The following SLC30A9 variants were observed in gnomAD, a reference collection of about 807,000 sequenced individuals.
SLC30A9 encodes the protein solute carrier family 30 member 9, also known as proton-coupled zinc antiporter SLC30A9, mitochondrial.
In SLC30A9, 58 loss-of-function variants were observed where a neutral mutation model predicts 87.5. That is an observed-to-expected ratio of 0.66 (90% CI 0.54 to 0.82). The LOEUF is 0.82. SLC30A9 is among the 40% of genes least tolerant of loss of function. SLC30A9 has a pLI of 0.00. For missense variants in SLC30A9, 557 were observed against 679.1 expected, an observed-to-expected ratio of 0.82 and a Z score of 2.00; for synonymous variants, 234 against 233.0, an observed-to-expected ratio of 1.00 and a Z score of -0.04.
chr4:42,027,486 T>C (rs897543947), intron 6 of SLC30A9, among the ~76,000 whole-genome samples: 6 of 151,300 alleles, frequency 4.0e-5, no homozygotes, highest in African/African-American at 1.5e-4. Context: ...TTAGTATGAG[T>C]GCATACCTGT....
intron 6 of SLC30A9, among the ~76,000 whole-genome samples, chr4:42,033,104 A>G (rs968912187): frequency 6.6e-6 from 1 of 152,194 alleles, no homozygotes; most frequent in Admixed American, 6.5e-5. Flanking sequence ...TTTTCTATAT[A>G]GAAATATCAT....
chr4:42,047,149 C>G (rs911031884), intron 8 of SLC30A9, among the ~76,000 whole-genome samples: 1 of 152,166 alleles, frequency 6.6e-6, no homozygotes, highest in African/African-American at 2.4e-5. Context: ...CTAGGCAATA[C>G]CATTCAGGAC....
chr4:42,066,425 A>G (rs1718078230), intron 12 of SLC30A9, 125 bp from the exon 13 acceptor site: 1 of 548,194 alleles, frequency 1.8e-6, no homozygotes, highest in Non-Finnish European at 3.3e-6. Flanking sequence ...TTAACATAGA[A>G]CTTGTCCTTA....
At chr4:41,994,867 C>A (rs1054706093) in intron 1 of SLC30A9, among the ~76,000 whole-genome samples, 3 of 143,346 alleles carry the variant, frequency 2.1e-5, no homozygotes, top group African/African-American at 7.6e-5. Context: ...ACTGTCAATG[C>A]TCTTAGTTGT....
At chr4:42,062,165 G>C (rs2153139814) in intron 10 of SLC30A9, among the ~76,000 whole-genome samples, 1 of 150,498 alleles carries the variant, frequency 6.6e-6, no homozygotes, top group South Asian at 2.1e-4. Context: ...TTGCACTCCA[G>C]CCTGAGCAAC....
chr4:42,019,805 A>T (rs949674083), intron 3 of SLC30A9, among the ~76,000 whole-genome samples: 2 of 151,350 alleles, frequency 1.3e-5, no homozygotes, highest in African/African-American at 2.4e-5. Context: ...TTTATTTATT[A>T]TTTTTTTTGG....
intron 2 of SLC30A9, among the ~76,000 whole-genome samples, chr4:42,008,682 A>G (rs1035854532): frequency 3.9e-5 from 6 of 152,212 alleles, no homozygotes; most frequent in Admixed American, 2.0e-4. Flanking sequence ...GAGAAAATCC[A>G]GACTATCTGG....
At chr4:41,991,881 C>T (rs1044052689) in intron 1 of SLC30A9, among the ~76,000 whole-genome samples, 1 of 152,080 alleles carries the variant, frequency 6.6e-6, no homozygotes, top group East Asian at 1.9e-4. Flanking sequence ...AGAATATATT[C>T]GTATCTTTTA....
At chr4:42,019,764 C>T (rs1026187503) in intron 3 of SLC30A9, among the ~76,000 whole-genome samples, 1 of 152,018 alleles carries the variant, frequency 6.6e-6, no homozygotes, top group African/African-American at 2.4e-5. Context: ...GTTTGAAAAG[C>T]ACTCAACTAC....
rs905915551 is a variant in SLC30A9, at chr4:42,059,939, T to C, written c.841-252T>C. 2.3e-4 allele frequency among the ~76,000 whole-genome samples: 35 copies of C among 152,184 alleles called. 1 individual carries two copies. The highest frequency in any genetic ancestry group is 1.0e-3 in the South Asian group (5 of 4,830). ...TTATGGTTTATCATTTATTTTGTCATTCCCAATTGATGGATTTTTTTTAGG... is the reference window on the plus strand; with the variant it reads ...TTATGGTTTATCATTTATTTTGTCACTCCCAATTGATGGATTTTTTTTAGG... On this transcript the variant is annotated intron_variant, in intron 9 of 17. Coordinates refer to ENST00000264451, the MANE Select transcript of SLC30A9 (RefSeq NM_006345.4).
In SLC30A9 at chr4:42,001,761, A is replaced by G. The variant is rs764190042; in HGVS notation, c.255A>G (p.Lys85=). Residue 85 remains lysine, a synonymous_variant, in exon 2 of 18, where the codon AAA becomes AAG. Coordinates refer to ENST00000264451, the MANE Select transcript of SLC30A9 (RefSeq NM_006345.4). ...GQGSQTLRVE[K]VPSFETAEGI... The stretch of plus-strand genomic sequence containing the variant: ...GATCACAAACACTCAGAGTGGAAAA[A>G]GTACCATCATTTGAAACAGGTATGT... The G allele has an allele frequency of 3.5e-5, 57 of 1,609,106 alleles. No individual in the cohort carries two copies. The South Asian group carries it at 5.9e-4, about 17-fold the overall frequency.
In SLC30A9 at chr4:42,086,179, C is replaced by A; in HGVS notation, c.*53C>A. The A allele has an allele frequency of 1.7e-6, 2 of 1,183,436 alleles. No individual in the cohort carries two copies. Among genetic ancestry groups the A allele is most frequent in the Non-Finnish European group, 2.4e-6 (2 of 825,118 alleles). The allele number at this position is 1,183,436 out of a possible 1,614,324, so 73.3% of individuals were successfully genotyped here. ...GGACCTTGGAAACAAGTTTGTCCGT[C>A]CACTCTACAAAGTTTCCTCCTCTCC... is the stretch of plus-strand genomic sequence containing the variant. On this transcript the variant is annotated 3_prime_UTR_variant, in exon 18 of 18. Transcript: ENST00000264451.
At chr4:42,000,545 A>G (rs576572288) in intron 1 of SLC30A9, among the ~76,000 whole-genome samples, 4 of 152,236 alleles carry the variant, frequency 2.6e-5, no homozygotes, top group African/African-American at 9.6e-5. Context: ...TTCACATCAG[A>G]AAGTTTTTCA....
At chr4:42,074,958 T>C (rs1047843732) in intron 15 of SLC30A9, among the ~76,000 whole-genome samples, 1 of 143,010 alleles carries the variant, frequency 7.0e-6, no homozygotes, top group African/African-American at 2.6e-5. Flanking sequence ...GATAAGTAGA[T>C]ATATGGAGAC....
At chr4:42,027,093 G>A (rs1014229090) in intron 6 of SLC30A9, among the ~76,000 whole-genome samples, 1 of 152,288 alleles carries the variant, frequency 6.6e-6, no homozygotes, top group South Asian at 2.1e-4. Context: ...TCAGTAGCCA[G>A]AGTTGGCTAA....
chr4:42,013,446 G>T lies in SLC30A9; in HGVS notation c.275-4665G>T, dbSNP rs79575062. ...AAAAAACTGTGGAGGAATATTACCA[G>T]ATTTCAAATTATACTACAGGGCTTT... On this transcript the variant is annotated intron_variant, in intron 2 of 17. Transcript: ENST00000264451. 9.0e-3 allele frequency among the ~76,000 whole-genome samples: 1,368 copies of T among 152,224 alleles called. 22 individuals are homozygous for T. The highest frequency in any genetic ancestry group is 0.032 in the African/African-American group (1,315 of 41,530).
At chr4:42,006,377 C>T (rs1227427166) in intron 2 of SLC30A9, among the ~76,000 whole-genome samples, 1 of 152,056 alleles carries the variant, frequency 6.6e-6, no homozygotes, top group African/African-American at 2.4e-5. Context: ...ATGATACCTC[C>T]TTGGAGACAT....
chr4:42,088,412 C>T lies in SLC30A9; in HGVS notation c.*2286C>T. The T allele has an allele frequency of 6.6e-6, 1 of 152,390 alleles. No homozygotes were observed. Among genetic ancestry groups the T allele is most frequent in the Non-Finnish European group, 1.5e-5 (1 of 68,120 alleles). 9.4% of individuals were successfully genotyped at this position (152,390 alleles called of 1,614,324 possible). ...AAAGTTAGCCGGGTGTGGTGGTGCT[C>T]ACCTGTGTTAGTCCATTCTCACACT... On this transcript the variant is annotated 3_prime_UTR_variant, in exon 18 of 18. Transcript: ENST00000264451.
intron 17 of SLC30A9, among the ~76,000 whole-genome samples, chr4:42,081,889 A>G (rs1318209577): frequency 1.3e-5 from 2 of 152,214 alleles, no homozygotes; most frequent in Non-Finnish European, 2.9e-5. Flanking sequence ...AGTATAATCC[A>G]TACATTCAGG....
Sources: gnomAD v4.1 joint callset for allele counts (sites outside exome capture counted in the v4.1 genomes callset) on GRCh38, gnomAD v4.1.1 for gene constraint, MANE v1.5 for transcripts, NCBI Gene and HGNC (gene_info 2026-07-23, HGNC 2026-07-21) for gene names.